Variants in INPP5A observed in about 807,000 individuals in gnomAD.
INPP5A encodes the protein 43 kDa inositol polyphosphate 5-phophatase.
A neutral mutation model predicts 65.2 loss-of-function variants in INPP5A; 14 were observed. That is an observed-to-expected ratio of 0.21 (90% confidence interval 0.14 to 0.34). The LOEUF is 0.34. Ranked by LOEUF, INPP5A falls within the 10% of genes least tolerant of loss-of-function variation. The probability of loss-of-function intolerance (pLI) is 1.00; values close to 1 mark genes in which losing one functional copy is unlikely to be tolerated. For synonymous variants in INPP5A, 207 were observed against 208.3 expected (o/e 0.99, Z 0.05); for missense variants, 431 against 545.6 (o/e 0.79, Z 2.09).
chr10:132,714,687 C>G (rs1845709617), intron 8 of INPP5A, among the ~76,000 whole-genome samples: 1 of 151,620 alleles, frequency 6.6e-6, no homozygotes, highest in African/African-American at 2.4e-5. Context: ...CACCGTTGCT[C>G]TAAACCTAAA....
At chr10:132,695,789 C>T (rs1364612625) in intron 5 of INPP5A, among the ~76,000 whole-genome samples, 2 of 152,194 alleles carry the variant, frequency 1.3e-5, no homozygotes, top group Non-Finnish European at 2.9e-5. Context: ...ATAAATCTAA[C>T]AAATTAATAC....
chr10:132,725,312 C>T (rs1331019590), intron 8 of INPP5A, among the ~76,000 whole-genome samples: 2 of 152,242 alleles, frequency 1.3e-5, no homozygotes, highest in Non-Finnish European at 2.9e-5. Flanking sequence ...CACGGATGCT[C>T]CGTCCTCCCT....
chr10:132,781,962 C>T lies in INPP5A; in HGVS notation c.*7+14C>T, dbSNP rs1018550749. 1.2e-6 allele frequency: 2 copies of T among 1,612,674 alleles called. No homozygotes were observed. Among genetic ancestry groups the T allele is most frequent in the Admixed American group, 1.7e-5 (1 of 60,028 alleles). The stretch of plus-strand genomic sequence containing the variant: ...AGTGACGTGGTGGTAAATATGACTC[C>T]TCCCTCCAGTTCAGCTTTTACGCAG... On this transcript the variant is annotated intron_variant, in intron 15 of 15. Transcript: ENST00000368594.
At chr10:132,715,161 C>T (rs1391611362) in intron 8 of INPP5A, among the ~76,000 whole-genome samples, 1 of 152,254 alleles carries the variant, frequency 6.6e-6, no homozygotes, top group Non-Finnish European at 1.5e-5. Context: ...CCTTCCTAGG[C>T]ACCATCCACT....
intron 8 of INPP5A, among the ~76,000 whole-genome samples, chr10:132,718,701 T>TA (rs530055008): frequency 3.9e-4 from 59 of 150,652 alleles, no homozygotes; most frequent in African/African-American, 1.4e-3. Context: ...CTGAGCGCCT[T>TA]AGACGGTTGT....
At chr10:132,690,761 G>A (rs117235555) in intron 5 of INPP5A, among the ~76,000 whole-genome samples, 1,969 of 152,296 alleles carry the variant, frequency 0.013, 17 homozygotes, top group Non-Finnish European at 0.021. Flanking sequence ...CGAATGAGAG[G>A]GTTGCATGTT....
At position 132,677,251 on chromosome 10, in the gene INPP5A, AGGTCCTGTG is replaced by A. The variant is rs577209646; in HGVS notation, c.307-13139_307-13131del. On this transcript the variant is annotated intron_variant, in intron 4 of 15. Transcript: ENST00000368594. ...CCATCCCAGCTCACATTGGTCTTGG[AGGTCCTGTG>A]GATGCTGCCTGGGTGCAGAGCTGAA... 3.0e-4 allele frequency among the ~76,000 whole-genome samples: 45 copies of A among 152,332 alleles called. No individual in the cohort carries two copies. The East Asian group carries it at 3.1e-3, about 10-fold the overall frequency.
At chr10:132,624,654 C>T (rs991613703) in intron 2 of INPP5A, among the ~76,000 whole-genome samples, 5 of 152,212 alleles carry the variant, frequency 3.3e-5, no homozygotes, top group African/African-American at 9.6e-5. Context: ...GGTCTCTGCC[C>T]GTTCAGCACC....
chr10:132,563,755 T>C (rs1018354229), intron 1 of INPP5A, among the ~76,000 whole-genome samples: 4 of 151,888 alleles, frequency 2.6e-5, no homozygotes, highest in African/African-American at 4.8e-5. Flanking sequence ...GACAAGCAAA[T>C]TGGTTGTTGG....
chr10:132,696,774 G>A (rs758501191), intron 5 of INPP5A, among the ~76,000 whole-genome samples: 1 of 152,218 alleles, frequency 6.6e-6, no homozygotes, highest in Non-Finnish European at 1.5e-5. Flanking sequence ...TGCGCCTAGG[G>A]CTGGGCCGGG....
chr10:132,626,914 G>T (rs1346503583), intron 2 of INPP5A, among the ~76,000 whole-genome samples: 1 of 152,146 alleles, frequency 6.6e-6, no homozygotes, highest in Non-Finnish European at 1.5e-5. Context: ...CCTGTGCTTG[G>T]CACTGGGGCG....
chr10:132,760,264 C>A (rs1846708424), intron 11 of INPP5A, among the ~76,000 whole-genome samples: 3 of 152,232 alleles, frequency 2.0e-5, no homozygotes, highest in Admixed American at 1.3e-4. Context: ...CAGACAGGCA[C>A]AGGGCCAGCA....
chr10:132,684,263 C>T (rs967135538), intron 4 of INPP5A, among the ~76,000 whole-genome samples: 4 of 152,130 alleles, frequency 2.6e-5, no homozygotes, highest in African/African-American at 9.7e-5. Flanking sequence ...GGGTCATTTT[C>T]AGTTGGTGTT....
intron 9 of INPP5A, among the ~76,000 whole-genome samples, chr10:132,736,956 C>T (rs886603890): frequency 2.6e-5 from 4 of 152,204 alleles, no homozygotes; most frequent in African/African-American, 9.6e-5. Flanking sequence ...GCACAGTGGG[C>T]GCCGTGAGGC....
intron 4 of INPP5A, among the ~76,000 whole-genome samples, chr10:132,662,302 A>C (rs1419229753): frequency 6.6e-6 from 1 of 152,218 alleles, no homozygotes; most frequent in Non-Finnish European, 1.5e-5. Flanking sequence ...TTCAGTATTT[A>C]CTTAAGAGAA....
chr10:132,776,300 C>A (rs900317715), intron 12 of INPP5A, among the ~76,000 whole-genome samples: 17 of 152,204 alleles, frequency 1.1e-4, no homozygotes, highest in Non-Finnish European at 2.5e-4. Flanking sequence ...GTGAGTGTGG[C>A]TCCCGCTGGA....
At position 132,750,179 on chromosome 10, in the gene INPP5A, G is replaced by A. The variant is rs151063740; in HGVS notation, c.903+334G>A. On this transcript the variant is annotated intron_variant, in intron 11 of 15. Coordinates refer to ENST00000368594, the MANE Select transcript of INPP5A (RefSeq NM_005539.5). The stretch of plus-strand genomic sequence containing the variant: ...CCTTGTCTCAGAGTGAACCGGCCGG[G>A]CCTCGGGCCTCACTCTGAAGTGGGA... 2.1e-3 allele frequency among the ~76,000 whole-genome samples: 316 copies of A among 152,364 alleles called. 3 individuals are homozygous for A. The highest frequency in any genetic ancestry group is 6.2e-3 in the African/African-American group (259 of 41,588).
chr10:132,768,075 C>A (rs1846883403), intron 12 of INPP5A, among the ~76,000 whole-genome samples: 2 of 143,374 alleles, frequency 1.4e-5, no homozygotes. Flanking sequence ...CACCCAATGG[C>A]ATTCCAGAAA....
intron 3 of INPP5A, among the ~76,000 whole-genome samples, chr10:132,648,887 A>G (rs2072534672): frequency 6.6e-6 from 1 of 152,128 alleles, no homozygotes; most frequent in Non-Finnish European, 1.5e-5. Flanking sequence ...CCGTTTGAGC[A>G]TTTGCAGTCT....
Sources: allele counts gnomAD v4.1 joint callset (sites outside exome capture counted in the v4.1 genomes callset), GRCh38; gene constraint gnomAD v4.1.1; transcripts MANE v1.5; gene names NCBI Gene and HGNC (gene_info 2026-07-23, HGNC 2026-07-21).